SLC25A21: variants seen among roughly 807,000 people sequenced by gnomAD.
SLC25A21 encodes solute carrier family 25 member 21.
A neutral mutation model predicts 43.8 loss-of-function variants in SLC25A21; 47 were observed. The observed-to-expected ratio is 1.07, with a 90% confidence interval of 0.85 to 1.37. The LOEUF is 1.37. Ranked by LOEUF, SLC25A21 falls within the 40% of genes most tolerant of loss-of-function variation. SLC25A21 has a pLI of 0.00. For missense variants in SLC25A21, 352 were observed against 350.2 expected, an observed-to-expected ratio of 1.00 and a Z score of -0.04; for synonymous variants, 131 against 121.3, an observed-to-expected ratio of 1.08 and a Z score of -0.52.
intron 3 of SLC25A21, 50 bp from the exon 4 acceptor site, chr14:36,734,623 G>A (rs1431484763): frequency 4.3e-6 from 6 of 1,402,688 alleles, no homozygotes; most frequent in Admixed American, 1.9e-5. Flanking sequence ...TAGGCAACAA[G>A]TATTTCTGAC....
chr14:37,051,151 C>T (rs1007207397), intron 1 of SLC25A21, among the ~76,000 whole-genome samples: 4 of 152,172 alleles, frequency 2.6e-5, no homozygotes, highest in African/African-American at 9.7e-5. Context: ...CTATTGTTCA[C>T]TGTTTTATTC....
intron 1 of SLC25A21, among the ~76,000 whole-genome samples, chr14:37,096,054 C>T (rs1347553000): frequency 6.6e-6 from 1 of 151,984 alleles, no homozygotes; most frequent in Non-Finnish European, 1.5e-5. Flanking sequence ...AAAATGTCAA[C>T]ATTATAAATA....
Position 36,815,122 on chromosome 14 carries a change from G to T in SLC25A21, c.120-1121C>A, listed in dbSNP as rs1888409865. Among the ~76,000 whole-genome samples, 5 of 152,146 alleles carry T rather than the reference G, an allele frequency of 3.3e-5. No individual in the cohort carries two copies. In the South Asian group the frequency reaches 1.0e-3, roughly 32 times the overall value. On this transcript the variant is annotated intron_variant, in intron 2 of 9. Transcript: ENST00000331299. Reference sequence around the variant, plus strand: ...CTCATAAGTGGGAGTTGAACAACGAGAACACATGGACACAGGGAGGAAAAC... The same window carrying T: ...CTCATAAGTGGGAGTTGAACAACGATAACACATGGACACAGGGAGGAAAAC...
chr14:36,824,209 TG>T (rs1329295016), intron 2 of SLC25A21, among the ~76,000 whole-genome samples: 1 of 152,212 alleles, frequency 6.6e-6, no homozygotes, highest in African/African-American at 2.4e-5. Flanking sequence ...GAAAAGAATG[TG>T]GGTTGCTTTG....
chr14:36,915,036 A>T (rs2138616769), intron 1 of SLC25A21, among the ~76,000 whole-genome samples: 1 of 151,814 alleles, frequency 6.6e-6, no homozygotes, highest in South Asian at 2.1e-4. Context: ...ATTTTTTTTT[A>T]CCCTAAAAAT....
At chr14:36,929,518 G>A (rs1369404803) in intron 1 of SLC25A21, among the ~76,000 whole-genome samples, 1 of 152,100 alleles carries the variant, frequency 6.6e-6, no homozygotes, top group Non-Finnish European at 1.5e-5. Context: ...TTTCCAATTA[G>A]AGAATATTAA....
At chr14:37,031,469 A>C (rs923898206) in intron 1 of SLC25A21, among the ~76,000 whole-genome samples, 20 of 152,332 alleles carry the variant, frequency 1.3e-4, no homozygotes, top group African/African-American at 4.3e-4. Context: ...TCTATAATAA[A>C]ACTTCAGTAG....
At chr14:36,792,607 A>G (rs1295648956) in intron 3 of SLC25A21, among the ~76,000 whole-genome samples, 1 of 152,202 alleles carries the variant, frequency 6.6e-6, no homozygotes, top group Non-Finnish European at 1.5e-5. Flanking sequence ...GACACCATCT[A>G]GCTAATGACT....
chr14:36,845,976 T>C (rs190453449), intron 2 of SLC25A21, among the ~76,000 whole-genome samples: 2 of 152,306 alleles, frequency 1.3e-5, no homozygotes, highest in East Asian at 3.9e-4. Flanking sequence ...TAAAAGTTTA[T>C]AGTTCAGCAC....
Position 36,689,774 on chromosome 14 carries a change from C to T in SLC25A21, c.604-4849G>A, listed in dbSNP as rs375824853. On this transcript the variant is annotated intron_variant, in intron 7 of 9. Coordinates refer to ENST00000331299, the MANE Select transcript of SLC25A21 (RefSeq NM_030631.4). ...CAGTGAATCTGGGAATGGAGCCCAG[C>T]TACAGCAATCTATTTGAACAAGTCC... Among the ~76,000 whole-genome samples the T allele has an allele frequency of 3.7e-3, 562 of 152,332 alleles. 1 individual carries two copies. Among genetic ancestry groups the T allele is most frequent in the Non-Finnish European group, 6.2e-3 (422 of 68,030 alleles).
intron 1 of SLC25A21, among the ~76,000 whole-genome samples, chr14:37,028,833 A>T (rs1417991313): frequency 2.0e-5 from 3 of 152,164 alleles, no homozygotes; most frequent in African/African-American, 7.2e-5. Context: ...AAATTACTTA[A>T]GTGGTTTAAA....
intron 3 of SLC25A21, among the ~76,000 whole-genome samples, chr14:36,775,643 T>C (rs943747017): frequency 6.6e-6 from 1 of 152,152 alleles, no homozygotes; most frequent in Non-Finnish European, 1.5e-5. Flanking sequence ...AAGAGTCTTT[T>C]ATAGTTCATA....
At chr14:36,971,432 G>A (rs550415419) in intron 1 of SLC25A21, among the ~76,000 whole-genome samples, 30 of 152,168 alleles carry the variant, frequency 2.0e-4, no homozygotes, top group African/African-American at 6.7e-4. Context: ...ACAAGATGGC[G>A]CTGGCCAAGT....
chr14:36,914,967 A>G (rs1891790918), intron 1 of SLC25A21, among the ~76,000 whole-genome samples: 2 of 152,144 alleles, frequency 1.3e-5, no homozygotes, highest in Admixed American at 6.6e-5. Flanking sequence ...TAGGTAAACC[A>G]TTGATGGCCA....
chr14:36,840,799 C>T (rs561526364), intron 2 of SLC25A21, among the ~76,000 whole-genome samples: 21 of 152,042 alleles, frequency 1.4e-4, no homozygotes, highest in African/African-American at 2.2e-4. Flanking sequence ...CTCTGATATC[C>T]GACGAGTCAG....
rs559761694 is a variant in SLC25A21, at chr14:36,835,120, A to G, written c.120-21119T>C. ...ATTATAAAATCACTTAGAATGTATT[A>G]TTTCTAGACTGAGCAGACATAAGTC... On this transcript the variant is annotated intron_variant, in intron 2 of 9. Transcript: ENST00000331299. Among the ~76,000 whole-genome samples the G allele has an allele frequency of 1.0e-3, 153 of 152,212 alleles. 1 individual carries two copies. Among genetic ancestry groups the G allele is most frequent in the Non-Finnish European group, 1.8e-3 (125 of 68,040 alleles).
intron 6 of SLC25A21, among the ~76,000 whole-genome samples, chr14:36,718,012 A>T (rs2139199946): frequency 6.6e-6 from 1 of 152,238 alleles, no homozygotes; most frequent in East Asian, 1.9e-4. Context: ...TTGATTTGTT[A>T]AAAAAGTATT....
At chr14:36,759,892 C>T (rs1280346579) in intron 3 of SLC25A21, among the ~76,000 whole-genome samples, 1 of 152,084 alleles carries the variant, frequency 6.6e-6, no homozygotes, top group African/African-American at 2.4e-5. Context: ...CGTTTGAACC[C>T]AGGAGGCGGA....
In SLC25A21 at chr14:36,766,599, G is replaced by A. The variant is rs139768000; in HGVS notation, c.204-32026C>T. On this transcript the variant is annotated intron_variant, in intron 3 of 9. Coordinates refer to ENST00000331299, the MANE Select transcript of SLC25A21 (RefSeq NM_030631.4). ...CTTCACAAGTTGCAACCCAGAGTGG[G>A]TTGCTGGTTGCTCTTTGAACATGCC... is the stretch of plus-strand genomic sequence containing the variant. Among the ~76,000 whole-genome samples the A allele has an allele frequency of 1.9e-3, 289 of 152,222 alleles. 2 individuals carry two copies. Among genetic ancestry groups the A allele is most frequent in the African/African-American group, 6.8e-3 (282 of 41,534 alleles).
Sources: gnomAD v4.1 joint callset for allele counts (sites outside exome capture counted in the v4.1 genomes callset) on GRCh38, gnomAD v4.1.1 for gene constraint, MANE v1.5 for transcripts, NCBI Gene and HGNC (gene_info 2026-07-23, HGNC 2026-07-21) for gene names.